Variants in MYO5B observed in about 807,000 individuals in gnomAD.
The protein encoded by MYO5B is myosin VB, also known as unconventional myosin-Vb.
Under a neutral mutation model 229.3 loss-of-function variants are expected in MYO5B, and 143 were observed. The observed-to-expected ratio is 0.62, with a 90% CI of 0.54 to 0.72. The LOEUF is 0.72. Ranked by LOEUF, MYO5B falls within the 30% of genes least tolerant of loss-of-function variation. The pLI is 0.00. For missense variants in MYO5B, 2,321 were observed against 2,331.0 expected (o/e 1.00, Z 0.09); for synonymous variants, 918 against 885.2 (o/e 1.04, Z -0.66).
At chr18:49,836,567 A>C in intron 38 of MYO5B, 144 bp downstream of exon 38, 1 of 916,506 alleles carries the variant, frequency 1.1e-6, no homozygotes, top group East Asian at 2.6e-5. Context: ...ATATCCCATC[A>C]GCTGCACTTC....
chr18:49,901,725 GCAGACAGAGAGA>G (rs1475685799), intron 21 of MYO5B, among the ~76,000 whole-genome samples: 2 of 152,206 alleles, frequency 1.3e-5, no homozygotes, highest in African/African-American at 4.8e-5. Flanking sequence ...AGACAGATAG[GCAGACAGAGAGA>G]CAGAAGGGCA....
At chr18:49,888,938 T>C (rs1451806303) in intron 22 of MYO5B, among the ~76,000 whole-genome samples, 1 of 152,222 alleles carries the variant, frequency 6.6e-6, no homozygotes. Context: ...GGGACAGCAA[T>C]GCTTCCTCAT....
chr18:49,952,732 G>A lies in MYO5B; in HGVS notation c.1752+528C>T, dbSNP rs553442925. Among the ~76,000 whole-genome samples, 7 of 152,240 alleles carry A rather than the reference G, an allele frequency of 4.6e-5. No individual in the cohort carries two copies. In the South Asian group the frequency reaches 1.5e-3, roughly 32 times the overall value. ...TGAAATTCTGATAATAACAGAGAAA[G>A]AGTCCAAAGTAGTAGATTTAAGTGT... On this transcript the variant is annotated intron_variant, in intron 14 of 39. Transcript: ENST00000285039.
intron 3 of MYO5B, among the ~76,000 whole-genome samples, chr18:50,039,249 G>A (rs1402247160): frequency 6.6e-6 from 1 of 152,158 alleles, no homozygotes; most frequent in East Asian, 1.9e-4. Context: ...TTTTTGCTTT[G>A]CCACTTAGCA....
At chr18:50,097,054 C>T (rs774575790) in intron 1 of MYO5B, among the ~76,000 whole-genome samples, 8 of 152,180 alleles carry the variant, frequency 5.3e-5, no homozygotes, top group Non-Finnish European at 1.2e-4. Flanking sequence ...AGTGAAATGA[C>T]TTCATTTCCC....
At chr18:50,165,523 C>T (rs1414153330) in intron 1 of MYO5B, among the ~76,000 whole-genome samples, 6 of 152,184 alleles carry the variant, frequency 3.9e-5, no homozygotes, top group African/African-American at 1.4e-4. Context: ...CGCGTGTAAT[C>T]CCATGACTTT....
chr18:49,953,937 CTA>C (rs10641448), intron 13 of MYO5B, among the ~76,000 whole-genome samples: 1 of 135,870 alleles, frequency 7.4e-6, no homozygotes, highest in East Asian at 2.3e-4. Flanking sequence ...TGTGTGTAGA[CTA>C]TATATATACA....
At chr18:49,963,102 GCT>G (rs1357337126) in intron 10 of MYO5B, 72 bp from the exon 11 acceptor site, 3 of 1,263,536 alleles carry the variant, frequency 2.4e-6, no homozygotes, top group Non-Finnish European at 3.5e-6. Context: ...CAACAAAGCT[GCT>G]CTGACCCAGG....
chr18:49,847,384 G>A (rs1176548275), intron 32 of MYO5B, 95 bp from the exon 33 acceptor site: 1 of 1,467,704 alleles, frequency 6.8e-7, no homozygotes. Context: ...TGGGACCTGG[G>A]GCAGGGGAAG....
chr18:50,077,278 C>T (rs906049997), intron 1 of MYO5B, among the ~76,000 whole-genome samples: 15 of 151,212 alleles, frequency 9.9e-5, no homozygotes, highest in African/African-American at 3.4e-4. Context: ...CTGCTCTATG[C>T]GTTCAAGTTT....
At chr18:50,071,267 CTGTT>C (rs994380411) in intron 1 of MYO5B, among the ~76,000 whole-genome samples, 20 of 152,358 alleles carry the variant, frequency 1.3e-4, no homozygotes, top group African/African-American at 4.3e-4. Context: ...TTTGTCAAGA[CTGTT>C]TGTTCATGCT....
chr18:49,906,751 T>C (rs2024904609), intron 18 of MYO5B, 121 bp from the exon 19 acceptor site: 1 of 838,968 alleles, frequency 1.2e-6, no homozygotes, highest in Non-Finnish European at 1.9e-6. Context: ...CCCCTCTCTG[T>C]AGATGGACAC....
chr18:49,838,165 C>T (rs1482402356), intron 36 of MYO5B, among the ~76,000 whole-genome samples: 2 of 152,322 alleles, frequency 1.3e-5, no homozygotes, highest in Middle Eastern at 3.4e-3. Flanking sequence ...ATTGGTCCGT[C>T]ATACTTACTA....
At chr18:50,147,835 C>T (rs575918492) in intron 1 of MYO5B, among the ~76,000 whole-genome samples, 1 of 152,150 alleles carries the variant, frequency 6.6e-6, no homozygotes, top group African/African-American at 2.4e-5. Flanking sequence ...AAGCAACTAC[C>T]TTGCCAAATC....
rs1466080478 is a variant in MYO5B, at chr18:49,823,230, A to G, written c.*3241T>C. Reference sequence around the variant, plus strand: ...GCATTAACCTCTGTCTACACCCTCTAATTCTCTAATTATGGCACCAGTGGG... The same window carrying G: ...GCATTAACCTCTGTCTACACCCTCTGATTCTCTAATTATGGCACCAGTGGG... On this transcript the variant is annotated 3_prime_UTR_variant, in exon 40 of 40. Transcript: ENST00000285039. 2.0e-5 allele frequency: 3 copies of G among 152,262 alleles called. No individual in the cohort carries two copies. The highest frequency in any genetic ancestry group is 4.8e-5 in the African/African-American group (2 of 41,476). 9.4% of individuals were successfully genotyped at this position (152,262 alleles called of 1,614,324 possible). A position where few individuals can be genotyped will look rare whatever the true frequency, so the allele number is the denominator to read the frequency against.
At chr18:50,132,235 TAAG>T (rs1568119118) in intron 1 of MYO5B, among the ~76,000 whole-genome samples, 1 of 152,192 alleles carries the variant, frequency 6.6e-6, no homozygotes, top group African/African-American at 2.4e-5. Flanking sequence ...TCTGGAAATT[TAAG>T]AACATTTGGG....
At chr18:49,890,846 A>C (rs2024704625) in intron 22 of MYO5B, among the ~76,000 whole-genome samples, 1 of 152,252 alleles carries the variant, frequency 6.6e-6, no homozygotes, top group South Asian at 2.1e-4. Context: ...AAGTAAGCAT[A>C]GTATAAATTT....
intron 1 of MYO5B, among the ~76,000 whole-genome samples, chr18:50,143,735 T>A (rs989598173): frequency 1.3e-5 from 2 of 152,188 alleles, no homozygotes; most frequent in Admixed American, 6.5e-5. Context: ...GACAGGATGT[T>A]GTTCGGATGG....
chr18:49,951,768 A>G (rs2025433339), intron 14 of MYO5B, among the ~76,000 whole-genome samples: 1 of 152,174 alleles, frequency 6.6e-6, no homozygotes, highest in African/African-American at 2.4e-5. Context: ...CTGGCCCTAT[A>G]AGTTGTCACA....
Sources: allele counts gnomAD v4.1 joint callset (sites outside exome capture counted in the v4.1 genomes callset), GRCh38; gene constraint gnomAD v4.1.1; transcripts MANE v1.5; gene names NCBI Gene and HGNC (gene_info 2026-07-23, HGNC 2026-07-21).